Variants in MAP2K7 observed in about 807,000 individuals in gnomAD.
MAP2K7 encodes mitogen-activated protein kinase kinase 7.
In MAP2K7, 12 loss-of-function variants were observed where a neutral mutation model predicts 47.7. The ratio of observed to expected loss-of-function variants is 0.25; its 90% CI spans 0.16 to 0.41. The LOEUF is 0.41. Ranked by LOEUF, MAP2K7 falls within the 10% of genes least tolerant of loss-of-function variation. MAP2K7 has a pLI of 1.00. For missense variants in MAP2K7, 415 were observed against 600.3 expected, an observed-to-expected ratio of 0.69 and a Z score of 3.23; for synonymous variants, 299 against 243.0, an observed-to-expected ratio of 1.23 and a Z score of -2.14.
chr19:7,905,706 C>T (rs1391585263), intron 1 of MAP2K7: 2 of 1,046,838 alleles, frequency 1.9e-6, no homozygotes, highest in East Asian at 2.4e-5. Context: ...GTGCCTCCCC[C>T]TCCTCCTCGT....
rs773501019 is a variant in MAP2K7 at position 7,910,690 on chromosome 19, C to T, written c.568-6C>T. 6.2e-7 allele frequency: 1 copy of T among 1,608,084 alleles called. No homozygotes were observed. The highest frequency in any genetic ancestry group is 1.7e-5 in the Admixed American group (1 of 59,726). On this transcript the variant is annotated splice_region_variant and splice_polypyrimidine_tract_variant and intron_variant, in intron 5 of 10. Coordinates refer to ENST00000397979, the MANE Select transcript of MAP2K7 (RefSeq NM_145185.4). ...ACAGCTCCCCCGGGTGCCCCTCTCCCTGCAGACGGACGTCTTCATCGCCAT... is the reference window on the plus strand; with the variant it reads ...ACAGCTCCCCCGGGTGCCCCTCTCCTTGCAGACGGACGTCTTCATCGCCAT...
Position 7,912,549 on chromosome 19 carries a change from C to T in MAP2K7, c.*118C>T. ...CTGGGACCTGGACGGCCACCTAGGA[C>T]TGAGGACAGAGAGTGGGGGGTGCCC... is the stretch of plus-strand genomic sequence containing the variant. On this transcript the variant is annotated 3_prime_UTR_variant, in exon 11 of 11. Coordinates refer to ENST00000397979, the MANE Select transcript of MAP2K7 (RefSeq NM_145185.4). 7.9e-7 allele frequency: 1 copy of T among 1,261,294 alleles called. No individual in the cohort carries two copies. Among genetic ancestry groups the T allele is most frequent in the South Asian group, 1.5e-5 (1 of 64,882 alleles). 78.1% of individuals were successfully genotyped at this position (1,261,294 alleles called of 1,614,324 possible). A position where few individuals can be genotyped will look rare whatever the true frequency, so the allele number is the denominator to read the frequency against.
chr19:7,912,048 T>G (rs1336305016), intron 9 of MAP2K7, 101 bp from the exon 10 acceptor site: 1 of 1,105,070 alleles, frequency 9.0e-7, no homozygotes, highest in Non-Finnish European at 1.4e-6. Flanking sequence ...CACACACATC[T>G]TGGGGACCCC....
In MAP2K7 at chr19:7,907,834, A is replaced by G. The variant is rs150985034; in HGVS notation, c.125-1921A>G. Among the ~76,000 whole-genome samples, 446 of 151,486 alleles carry G rather than the reference A, an allele frequency of 2.9e-3. 7 individuals are homozygous for G. The highest frequency in any genetic ancestry group is 0.01 in the African/African-American group (431 of 41,280). ...AGGGCGGGAACTAGGCAGTGTCTCA[A>G]GAGATGCCAGGTGCACAGGGGTTGG... is the stretch of plus-strand genomic sequence containing the variant. On this transcript the variant is annotated intron_variant, in intron 1 of 10. Transcript: ENST00000397979.
Position 7,904,049 on chromosome 19 carries a change from C to T in MAP2K7, c.105C>T (p.Ser35=). The T allele has an allele frequency of 6.7e-7, 1 of 1,499,154 alleles. No individual in the cohort carries two copies. The highest frequency in any genetic ancestry group is 8.9e-7 in the Non-Finnish European group (1 of 1,120,092). The allele number at this position is 1,499,154 out of a possible 1,614,324, so 92.9% of individuals were successfully genotyped here. A position where few individuals can be genotyped will look rare whatever the true frequency, so the allele number is the denominator to read the frequency against. The part of the protein sequence containing the change: ...RRRIDLNLDI[S]PQRPRPTLQL... ...GGATCGACCTCAACCTGGATATCAG[C>T]CCCCAGCGGCCCAGGCCCAGTAAGC... Residue 35 remains serine, a synonymous_variant, in exon 1 of 11, where the codon AGC becomes AGT. Coordinates refer to ENST00000397979, the MANE Select transcript of MAP2K7 (RefSeq NM_145185.4).
At position 7,904,008 on chromosome 19, in the gene MAP2K7, C is replaced by T. The variant is rs750181141; in HGVS notation, c.64C>T (p.Arg22Trp). Residue 22 changes from arginine (R) to tryptophan (W), a missense_variant, in exon 1 of 11, where the codon CGG (arginine) becomes TGG (tryptophan). Physicochemically the swap from Arg to Trp is moderately radical, Grantham distance 101 (BLOSUM62 -3). Coordinates refer to ENST00000397979, the MANE Select transcript of MAP2K7 (RefSeq NM_145185.4). Reference sequence around the variant, plus strand: ...GGAAGCAAAGCTGAAGCAGGAGAACCGGGAGGCCCGGCGGAGGATCGACCT... The same window carrying T: ...GGAAGCAAAGCTGAAGCAGGAGAACTGGGAGGCCCGGCGGAGGATCGACCT... ...RLEAKLKQEN[R>W]EARRRIDLNL... The T allele has an allele frequency of 1.4e-6, 2 of 1,405,384 alleles. No homozygotes were observed. Among genetic ancestry groups the T allele is most frequent in the African/African-American group, 1.5e-5 (1 of 64,744 alleles). The allele number at this position is 1,405,384 out of a possible 1,614,324, so 87.1% of individuals were successfully genotyped here.
Position 7,912,836 on chromosome 19 carries a change from T to G in MAP2K7, c.*405T>G, listed in dbSNP as rs377433579. On this transcript the variant is annotated 3_prime_UTR_variant, in exon 11 of 11. Transcript: ENST00000397979. ...CGCGCCCGTTCCTCTTCCGTCGCCC[T>G]CTGTCCCCTGCTCTACCTCTCTGTC... The G allele has an allele frequency of 4.2e-4, 96 of 228,160 alleles. No homozygotes were observed. In the East Asian group the frequency reaches 7.8e-3, roughly 19 times the overall value. The allele number at this position is 228,160 out of a possible 1,614,324, so 14.1% of individuals were successfully genotyped here.
At chr19:7,909,428 C>T (rs1982669662) in intron 1 of MAP2K7, among the ~76,000 whole-genome samples, 5 of 152,238 alleles carry the variant, frequency 3.3e-5, no homozygotes, top group Non-Finnish European at 1.5e-5. Flanking sequence ...AGTGCACACA[C>T]CTGTCAGGGA....
rs1329670030 is a variant in MAP2K7 at position 7,909,816 on chromosome 19, G to A, written c.186G>A (p.Pro62=). 5 of 1,542,696 alleles carry A rather than the reference G, an allele frequency of 3.2e-6. No individual in the cohort carries two copies. The highest frequency in any genetic ancestry group is 2.4e-5 in the South Asian group (2 of 83,774). Residue 62 remains proline (P), a synonymous_variant, in exon 2 of 11, where the codon CCG becomes CCA. Coordinates refer to ENST00000397979, the MANE Select transcript of MAP2K7 (RefSeq NM_145185.4). ...GSRSPSSESS[P]QHPTPPARPR... ...GCTCGCCATCCTCAGAGAGCTCCCCGCAGCACCCCACGCCCCCCGCCCGGC... is the reference window on the plus strand; with the variant it reads ...GCTCGCCATCCTCAGAGAGCTCCCCACAGCACCCCACGCCCCCCGCCCGGC...
intron 7 of MAP2K7, 40 bp from the exon 8 acceptor site, chr19:7,911,210 C>T (rs1490204649): frequency 1.9e-6 from 3 of 1,608,718 alleles, no homozygotes; most frequent in Non-Finnish European, 2.5e-6. Context: ...GGAGGCCGGC[C>T]CCAGCCTTGG....
chr19:7,908,185 G>C (rs1982585609), intron 1 of MAP2K7, among the ~76,000 whole-genome samples: 2 of 151,986 alleles, frequency 1.3e-5, no homozygotes, highest in Non-Finnish European at 2.9e-5. Context: ...AAAAACAGTG[G>C]GAGGTGACGT....
rs757454138 is a variant in MAP2K7 at position 7,904,046 on chromosome 19, C to G, written c.102C>G (p.Ile34Met). The stretch of plus-strand genomic sequence containing the variant: ...GGAGGATCGACCTCAACCTGGATAT[C>G]AGCCCCCAGCGGCCCAGGCCCAGTA... ...ARRRIDLNLD[I>M]SPQRPRPTLQ... is the part of the protein sequence containing the mutation. The change falls in exon 1 of 11, where the codon ATC (isoleucine) becomes ATG (methionine). Residue 34 changes from isoleucine (I) to methionine (M), a missense_variant. This residue lies in a region of MAP2K7 where 115 missense variants were observed against 126.2 expected (regional missense o/e 0.91). Transcript: ENST00000397979. 14 of 1,501,898 alleles carry G rather than the reference C, an allele frequency of 9.3e-6. No individual in the cohort carries two copies. The African/African-American group carries it at 1.9e-4, about 20-fold the overall frequency. 93.0% of individuals were successfully genotyped at this position (1,501,898 alleles called of 1,614,324 possible). A position where few individuals can be genotyped will look rare whatever the true frequency, so the allele number is the denominator to read the frequency against.
chr19:7,904,724 C>T (rs991003385), intron 1 of MAP2K7, among the ~76,000 whole-genome samples: 1 of 152,072 alleles, frequency 6.6e-6, no homozygotes, highest in Non-Finnish European at 1.5e-5. Flanking sequence ...CACCAGGCCC[C>T]GCAAATCCCT....
At chr19:7,905,042 A>G (rs1982357592) in intron 1 of MAP2K7, among the ~76,000 whole-genome samples, 1 of 150,344 alleles carries the variant, frequency 6.7e-6, no homozygotes, top group African/African-American at 2.4e-5. Context: ...GCCTGGGAAC[A>G]CTGACCATAT....
chr19:7,905,010 CCT>C (rs1291355030), intron 1 of MAP2K7, among the ~76,000 whole-genome samples: 1 of 151,520 alleles, frequency 6.6e-6, no homozygotes, highest in African/African-American at 2.4e-5. Flanking sequence ...TAGATCAGTA[CCT>C]CTCGCTTCAC....
In MAP2K7 at chr19:7,912,741, CAGGAG is replaced by C. The variant is rs1032575012; in HGVS notation, c.*313_*317del. 76 of 432,502 alleles carry C rather than the reference CAGGAG, an allele frequency of 1.8e-4. No homozygotes were observed. The highest frequency in any genetic ancestry group is 2.7e-4 in the Non-Finnish European group (65 of 237,136). 26.8% of individuals were successfully genotyped at this position (432,502 alleles called of 1,614,324 possible). A position where few individuals can be genotyped will look rare whatever the true frequency, so the allele number is the denominator to read the frequency against. On this transcript the variant is annotated 3_prime_UTR_variant, in exon 11 of 11. Coordinates refer to ENST00000397979, the MANE Select transcript of MAP2K7 (RefSeq NM_145185.4). ...CTGGGCCGGGGCGGCCCCCAGGGGC[CAGGAG>C]AGAGCCCTGGAGTCCCGCAGCCACC...
chr19:7,903,887 TTGTC>T lies in MAP2K7; in HGVS notation c.-55_-52del, dbSNP rs892261099. 10 of 1,337,510 alleles carry T rather than the reference TTGTC, an allele frequency of 7.5e-6. No individual in the cohort carries two copies. The African/African-American group carries it at 1.5e-4, about 20-fold the overall frequency. The allele number at this position is 1,337,510 out of a possible 1,614,324, so 82.9% of individuals were successfully genotyped here. On this transcript the variant is annotated 5_prime_UTR_variant, in exon 1 of 11. Transcript: ENST00000397979. Reference sequence around the variant, plus strand: ...TCCGGGCGCAGGCGCAGTGCGGTGTTTGTCTGCCGGACTGACGGGCGGCCGGGCG... The same window carrying T: ...TCCGGGCGCAGGCGCAGTGCGGTGTTTGCCGGACTGACGGGCGGCCGGGCG...
chr19:7,907,420 C>T (rs950248645), intron 1 of MAP2K7, among the ~76,000 whole-genome samples: 3 of 152,194 alleles, frequency 2.0e-5, no homozygotes, highest in Non-Finnish European at 1.5e-5. Context: ...ACGGCATGTG[C>T]GTGCATGTTG....
intron 1 of MAP2K7, chr19:7,905,696 G>C (rs2051248414): frequency 2.1e-6 from 2 of 935,402 alleles, no homozygotes; most frequent in African/African-American, 3.2e-5. Context: ...CTGCAGTTCG[G>C]TGCCTCCCCC....
Sources: gnomAD v4.1 joint callset for allele counts (sites outside exome capture counted in the v4.1 genomes callset) on GRCh38, gnomAD v4.1.1 for gene constraint, gnomAD v4.1.1 regional missense constraint, MANE v1.5 for transcripts, NCBI Gene and HGNC (gene_info 2026-07-23, HGNC 2026-07-21) for gene names.